The following CACNG3 variants were observed in gnomAD, a reference collection of about 807,000 sequenced individuals.
The protein encoded by CACNG3 is calcium voltage-gated channel auxiliary subunit gamma 3, also known as voltage-dependent calcium channel gamma-3 subunit.
Under a neutral mutation model 28.5 loss-of-function variants are expected in CACNG3, and 3 were observed. The ratio of observed to expected loss-of-function variants is 0.11; its 90% CI spans 0.05 to 0.27. The LOEUF (loss-of-function observed/expected upper bound fraction) is 0.27. CACNG3 is among the 10% of genes least tolerant of loss of function. CACNG3 has a pLI of 1.00. For synonymous variants in CACNG3, 174 were observed against 162.2 expected, an observed-to-expected ratio of 1.07 and a Z score of -0.55; for missense variants, 236 against 414.4, an observed-to-expected ratio of 0.57 and a Z score of 3.74.
intron 1 of CACNG3, among the ~76,000 whole-genome samples, chr16:24,313,069 G>GAAGGAGGAAGGAAGGAAGGA (rs1899294758): frequency 1.3e-5 from 1 of 76,408 alleles, no homozygotes; most frequent in Non-Finnish European, 2.5e-5. Context: ...GAAAGCGAGG[G>GAAGGAGGAAGGAAGGAAGGA]AGGGAGGAAG....
intron 1 of CACNG3, among the ~76,000 whole-genome samples, chr16:24,340,745 CTCTG>C (rs1377046616): frequency 6.6e-6 from 1 of 152,142 alleles, no homozygotes; most frequent in African/African-American, 2.4e-5. Context: ...TCTCTTTTGG[CTCTG>C]TCTTTCTCTC....
intron 1 of CACNG3, among the ~76,000 whole-genome samples, chr16:24,333,893 T>C (rs936633486): frequency 6.6e-6 from 1 of 152,116 alleles, no homozygotes; most frequent in Non-Finnish European, 1.5e-5. Context: ...GGAATTCAGA[T>C]GCCCAGATAA....
At chr16:24,310,466 A>G (rs1899246050) in intron 1 of CACNG3, among the ~76,000 whole-genome samples, 1 of 152,148 alleles carries the variant, frequency 6.6e-6, no homozygotes, top group Non-Finnish European at 1.5e-5. Flanking sequence ...TGGGAGGCTG[A>G]GGCAGGAGAA....
chr16:24,257,654 A>C lies in CACNG3; in HGVS notation c.211+689A>C, dbSNP rs1384583887. 2.6e-5 allele frequency among the ~76,000 whole-genome samples: 4 copies of C among 152,112 alleles called. No homozygotes were observed. In the South Asian group the frequency reaches 6.2e-4, roughly 24 times the overall value. On this transcript the variant is annotated intron_variant, in intron 1 of 3. Transcript: ENST00000005284. ...ATTAGTTTGGATCACAACAAAACTG[A>C]AGTCTTGGTATTTTGTATCCACCTG...
At chr16:24,343,778 C>T (rs1313000773) in intron 1 of CACNG3, among the ~76,000 whole-genome samples, 1 of 152,156 alleles carries the variant, frequency 6.6e-6, no homozygotes, top group Admixed American at 6.5e-5. Flanking sequence ...ATATTAATAA[C>T]ATTGCCTCAT....
intron 1 of CACNG3, among the ~76,000 whole-genome samples, chr16:24,293,523 A>G (rs1036160995): frequency 6.6e-6 from 1 of 152,172 alleles, no homozygotes; most frequent in Non-Finnish European, 1.5e-5. Context: ...TGAGAAATGG[A>G]TAACAATAAG....
intron 1 of CACNG3, among the ~76,000 whole-genome samples, chr16:24,317,616 A>AAGACAGAC (rs1353604554): frequency 1.5e-5 from 1 of 68,872 alleles, no homozygotes. Context: ...GAAAGAAAGA[A>AAGACAGAC]AGAAAGAAAG....
At chr16:24,288,870 TAAAC>T (rs1898928539) in intron 1 of CACNG3, among the ~76,000 whole-genome samples, 1 of 150,692 alleles carries the variant, frequency 6.6e-6, no homozygotes, top group African/African-American at 2.5e-5. Flanking sequence ...CTGTGACACA[TAAAC>T]ACACACACAC....
At chr16:24,327,335 G>A (rs919579052) in intron 1 of CACNG3, among the ~76,000 whole-genome samples, 20 of 150,072 alleles carry the variant, frequency 1.3e-4, no homozygotes, top group Admixed American at 6.6e-4. Flanking sequence ...AAAGTGAGAG[G>A]ATCACTTGAG....
At chr16:24,316,497 A>G (rs1363126430) in intron 1 of CACNG3, among the ~76,000 whole-genome samples, 1 of 152,176 alleles carries the variant, frequency 6.6e-6, no homozygotes, top group Non-Finnish European at 1.5e-5. Context: ...TGCGGGAAGG[A>G]CATGGCCTGC....
intron 1 of CACNG3, among the ~76,000 whole-genome samples, chr16:24,270,713 A>G (rs1898676132): frequency 6.6e-6 from 1 of 152,262 alleles, no homozygotes; most frequent in Non-Finnish European, 1.5e-5. Flanking sequence ...CACTGGCTTA[A>G]GAAAGAGATA....
rs1158587996 is a variant in CACNG3, at chr16:24,317,648, AAAAGAAAGAAAG to A, written c.212-29030_212-29019del. 6.8e-3 allele frequency among the ~76,000 whole-genome samples: 377 copies of A among 55,750 alleles called. 13 individuals are homozygous for A. The highest frequency in any genetic ancestry group is 0.016 in the Middle Eastern group (2 of 124). The allele number at this position is 55,750 out of a possible 152,430, so 36.6% of individuals were successfully genotyped here. On this transcript the variant is annotated intron_variant, in intron 1 of 3. Coordinates refer to ENST00000005284, the MANE Select transcript of CACNG3 (RefSeq NM_006539.4). Reference sequence around the variant, plus strand: ...AAAGACAGACAGAAAGAAAGAAAAGAAAAGAAAGAAAGAAAGAAAGAAAGAAAGAAAGAAAGA... The same window carrying A: ...AAAGACAGACAGAAAGAAAGAAAAGAAAAGAAAGAAAGAAAGAAAGAAAGA...
Position 24,286,720 on chromosome 16 carries a change from T to G in CACNG3, c.211+29755T>G, listed in dbSNP as rs1482579252. On this transcript the variant is annotated intron_variant, in intron 1 of 3. Coordinates refer to ENST00000005284, the MANE Select transcript of CACNG3 (RefSeq NM_006539.4). Reference sequence around the variant, plus strand: ...GAGATAGGTGCTATTACCATCCTTATTTTACAAAAGTGGAAACTGAGGCCT... The same window carrying G: ...GAGATAGGTGCTATTACCATCCTTAGTTTACAAAAGTGGAAACTGAGGCCT... 2.0e-5 allele frequency among the ~76,000 whole-genome samples: 3 copies of G among 152,320 alleles called. No individual in the cohort carries two copies. The East Asian group carries it at 5.8e-4, about 29-fold the overall frequency.
intron 1 of CACNG3, among the ~76,000 whole-genome samples, chr16:24,327,453 TATACACAC>T (rs370019179): frequency 0.033 from 3,798 of 113,966 alleles, 215 homozygotes; most frequent in African/African-American, 0.12. Flanking sequence ...TATATATATA[TATACACAC>T]ACACACACAC....
At chr16:24,317,668 G>GGA (rs1567217710) in intron 1 of CACNG3, among the ~76,000 whole-genome samples, 3 of 91,922 alleles carry the variant, frequency 3.3e-5, no homozygotes, top group African/African-American at 1.5e-4. Flanking sequence ...AAGAAAGAAA[G>GGA]AAAGAAAGAA....
chr16:24,267,009 C>T (rs2141345627), intron 1 of CACNG3, among the ~76,000 whole-genome samples: 1 of 150,868 alleles, frequency 6.6e-6, no homozygotes, highest in African/African-American at 2.5e-5. Flanking sequence ...CTCTATCGCC[C>T]AGGCTGGAGT....
intron 1 of CACNG3, among the ~76,000 whole-genome samples, chr16:24,258,438 C>T (rs1196624908): frequency 6.6e-6 from 1 of 152,206 alleles, no homozygotes; most frequent in African/African-American, 2.4e-5. Context: ...TTGGTTAAGA[C>T]ATTTACCCTC....
chr16:24,348,694 CA>C (rs1189140290), intron 2 of CACNG3, among the ~76,000 whole-genome samples: 1 of 152,106 alleles, frequency 6.6e-6, no homozygotes, highest in Non-Finnish European at 1.5e-5. Flanking sequence ...GTAGCTTAAC[CA>C]AAATTTGGGA....
chr16:24,286,727 A>G (rs907936256), intron 1 of CACNG3, among the ~76,000 whole-genome samples: 1 of 152,316 alleles, frequency 6.6e-6, no homozygotes, highest in Non-Finnish European at 1.5e-5. Context: ...TTATTTTACA[A>G]AAGTGGAAAC....
Sources: gnomAD v4.1 joint callset for allele counts (sites outside exome capture counted in the v4.1 genomes callset) on GRCh38, gnomAD v4.1.1 for gene constraint, MANE v1.5 for transcripts, NCBI Gene and HGNC (gene_info 2026-07-23, HGNC 2026-07-21) for gene names.